Variants in CT45A1 observed in about 807,000 individuals in gnomAD.
CT45A1 encodes the protein cancer/testis antigen family 45 member A1, also known as cancer/testis antigen 45-1.
intron 1 of CT45A1, among the ~76,000 whole-genome samples, chrX:135,715,329 TATATTATATATATATAATACTTAC>T (rs2087972491): frequency 2.6e-5 from 2 of 78,259 alleles, no homozygotes; most frequent in African/African-American, 5.1e-5. Flanking sequence ...ATAATACTTA[TATATTATATATATATAATACTTAC>T]ATATAATACT....
At chrX:135,711,782 A>G (rs1448240451), upstream of CT45A1, among the ~76,000 whole-genome samples, 5 of 112,179 alleles carry the variant, frequency 4.5e-5, no homozygotes, top group Non-Finnish European at 9.4e-5. Context: ...AAAATAAGTT[A>G]TGAAAGTGGA....
chrX:135,713,522 G>T, upstream of CT45A1: 3 of 740,205 alleles, frequency 4.1e-6, no homozygotes, highest in South Asian at 2.1e-4. Flanking sequence ...GACCAAACGG[G>T]ATCGGTGCTT....
At chrX:135,715,358 A>ACG (rs2087973971) in intron 1 of CT45A1, among the ~76,000 whole-genome samples, 1 of 36,335 alleles carries the variant, frequency 2.8e-5, no homozygotes. Context: ...ACTTACATAT[A>ACG]ATACTTATAT....
intron 1 of CT45A1, among the ~76,000 whole-genome samples, chrX:135,718,396 G>C (rs1352976505): frequency 1.4e-4 from 16 of 110,353 alleles, no homozygotes; most frequent in Admixed American, 3.9e-4. Context: ...TAAATTCCTT[G>C]TCAGATGTTG....
At chrX:135,714,488 G>C (rs782361587) in intron 1 of CT45A1, among the ~76,000 whole-genome samples, 2 of 109,640 alleles carry the variant, frequency 1.8e-5, no homozygotes, top group South Asian at 4.1e-4. Flanking sequence ...GCTTTTCCTC[G>C]GTGGGTTGAT....
At chrX:135,713,053 T>C (rs2148031823), upstream of CT45A1, among the ~76,000 whole-genome samples, 1 of 93,413 alleles carries the variant, frequency 1.1e-5, no homozygotes, top group African/African-American at 3.9e-5. Flanking sequence ...TCCTTTTTTT[T>C]TTTTGAGATA....
chrX:135,712,902 T>C (rs61110749), upstream of CT45A1, among the ~76,000 whole-genome samples: 1 of 109,370 alleles, frequency 9.1e-6, no homozygotes, highest in Non-Finnish European at 1.9e-5. Flanking sequence ...TTTCTTTCTT[T>C]CTTCTTTCTT....
intron 1 of CT45A1, among the ~76,000 whole-genome samples, chrX:135,715,501 ATACT>A (rs1335328733): frequency 1.5e-4 from 12 of 81,374 alleles, no homozygotes; most frequent in Non-Finnish European, 2.0e-4. Flanking sequence ...TATGTATATA[ATACT>A]TATATATATA....
At chrX:135,709,548 G>A (rs1603077918), upstream of CT45A1, among the ~76,000 whole-genome samples, 1 of 112,672 alleles carries the variant, frequency 8.9e-6, no homozygotes, top group Non-Finnish European at 1.9e-5. Context: ...GATTACAGGC[G>A]TGAGCCACTG....
At chrX:135,709,638 A>T (rs1325191754), upstream of CT45A1, among the ~76,000 whole-genome samples, 1 of 112,031 alleles carries the variant, frequency 8.9e-6, no homozygotes, top group Admixed American at 9.5e-5. Flanking sequence ...GCATGTTCTC[A>T]TTCATATGTG....
At chrX:135,712,308 C>T (rs1231256401), upstream of CT45A1, among the ~76,000 whole-genome samples, 1 of 102,985 alleles carries the variant, frequency 9.7e-6, no homozygotes, top group African/African-American at 3.5e-5. Flanking sequence ...GTAGCTGGGA[C>T]CACAAGTACA....
upstream of CT45A1, among the ~76,000 whole-genome samples, chrX:135,711,183 G>T (rs1603078796): frequency 9.0e-6 from 1 of 111,413 alleles, no homozygotes; most frequent in South Asian, 3.9e-4. Context: ...GCTGTGGTGG[G>T]ATTTTTTTAA....
intron 1 of CT45A1, among the ~76,000 whole-genome samples, chrX:135,714,920 C>T (rs1420054771): frequency 9.5e-6 from 1 of 105,412 alleles, no homozygotes; most frequent in Non-Finnish European, 1.9e-5. Flanking sequence ...AGGTATTTTC[C>T]TCCAGCTTTT....
upstream of CT45A1, among the ~76,000 whole-genome samples, chrX:135,709,453 G>A (rs1556569021): frequency 1.8e-5 from 2 of 111,911 alleles, no homozygotes; most frequent in African/African-American, 6.5e-5. Context: ...ATTTTTGGTA[G>A]AGATGTGGTT....
chrX:135,717,218 G>A (rs1167074779), intron 1 of CT45A1, among the ~76,000 whole-genome samples: 2 of 111,703 alleles, frequency 1.8e-5, no homozygotes, highest in Non-Finnish European at 3.8e-5. Flanking sequence ...ATCATTCTGA[G>A]AGACTTGACA....
At chrX:135,716,982 A>T (rs149490747) in intron 1 of CT45A1, among the ~76,000 whole-genome samples, 3,025 of 111,401 alleles carry the variant, frequency 0.027, 33 homozygotes, top group East Asian at 0.082. Flanking sequence ...TTGCTCCAGT[A>T]CCACACTGTT....
rs1422352760 is a variant in CT45A1, at chrX:135,717,438, A to G, written c.-6-1497A>G. 1.5e-4 allele frequency among the ~76,000 whole-genome samples: 17 copies of G among 110,116 alleles called. 1 individual carries two copies. The highest frequency in any genetic ancestry group is 5.6e-4 in the African/African-American group (17 of 30,225). On this transcript the variant is annotated intron_variant, in intron 1 of 4. Coordinates refer to ENST00000594565, the MANE Select transcript of CT45A1 (RefSeq NM_001017417.3). ...GTGGCAGGCGCCTGTAATCTCAGCT[A>G]CTCGGGAGGCTGAGGCAGGAGAATT...
intron 1 of CT45A1, among the ~76,000 whole-genome samples, chrX:135,715,853 GC>G (rs1788225455): frequency 1.2e-5 from 1 of 83,211 alleles, no homozygotes; most frequent in Non-Finnish European, 2.3e-5. Context: ...TCCCTCCCCA[GC>G]CCCCCTCCCC....
In CT45A1 at chrX:135,716,983, C is replaced by G. The variant is rs1288835438; in HGVS notation, c.-6-1952C>G. ...GTATTTGCCTGTCATTGCTCCAGTA[C>G]CACACTGTTTTAATTACTCTACCTT... On this transcript the variant is annotated intron_variant, in intron 1 of 4. Coordinates refer to ENST00000594565, the MANE Select transcript of CT45A1 (RefSeq NM_001017417.3). Among the ~76,000 whole-genome samples, 3 of 111,511 alleles carry G rather than the reference C, an allele frequency of 2.7e-5. No individual in the cohort carries two copies. In the Admixed American group the frequency reaches 2.9e-4, roughly 11 times the overall value.
Sources: gnomAD v4.1 joint callset for allele counts (sites outside exome capture counted in the v4.1 genomes callset) on GRCh38, gnomAD v4.1.1 for gene constraint, MANE v1.5 for transcripts, NCBI Gene and HGNC (gene_info 2026-07-23, HGNC 2026-07-21) for gene names.